The following MPPED1 variants were observed in gnomAD, a reference collection of about 807,000 sequenced individuals.
MPPED1 encodes metallophosphoesterase domain-containing protein 1.
A neutral mutation model predicts 36.2 loss-of-function variants in MPPED1; 16 were observed. The ratio of observed to expected loss-of-function variants is 0.44; its 90% confidence interval spans 0.30 to 0.67. MPPED1 has a LOEUF of 0.67. MPPED1 is among the 30% of genes least tolerant of loss of function. The pLI is 0.10. For missense variants in MPPED1, 307 were observed against 453.4 expected (o/e 0.68, Z 2.93); for synonymous variants, 199 against 191.3 (o/e 1.04, Z -0.33).
At chr22:43,451,151 C>T (rs141157695) in intron 3 of MPPED1, among the ~76,000 whole-genome samples, 2,080 of 151,938 alleles carry the variant, frequency 0.014, 65 homozygotes, top group African/African-American at 0.048. Flanking sequence ...GGACTACAGG[C>T]GTGCGCCACC....
chr22:43,502,821 A>C lies in MPPED1; in HGVS notation c.862+64A>C. 7.3e-7 allele frequency: 1 copy of C among 1,370,118 alleles called. No individual in the cohort carries two copies. The allele number at this position is 1,370,118 out of a possible 1,614,324, so 84.9% of individuals were successfully genotyped here. ...GGCTCCTAATGGACCCTCCAGCAGG[A>C]CCTCCCCTTCGTTCAGCCAGAAGGG... On this transcript the variant is annotated intron_variant, in intron 6 of 6. Transcript: ENST00000443721. This position sits in a 1 kb window ranked among gnomAD's most constrained non-coding sequence, Gnocchi z 5.5.
intron 4 of MPPED1, among the ~76,000 whole-genome samples, chr22:43,489,815 G>A (rs947855989): frequency 2.6e-5 from 4 of 152,226 alleles, no homozygotes; most frequent in South Asian, 2.1e-4. Context: ...CGCTGCACCC[G>A]GCCCCTGTCC....
intron 2 of MPPED1, among the ~76,000 whole-genome samples, chr22:43,431,218 T>A (rs1160841293): frequency 6.6e-6 from 1 of 151,846 alleles, no homozygotes; most frequent in Non-Finnish European, 1.5e-5. Flanking sequence ...ATTTTTTATA[T>A]TTTTAGTAGA....
At chr22:43,424,057 C>T (rs1316115441) in intron 1 of MPPED1, among the ~76,000 whole-genome samples, 8 of 152,090 alleles carry the variant, frequency 5.3e-5, no homozygotes, top group Admixed American at 1.3e-4. Flanking sequence ...AAGGTGGGGT[C>T]GGTTGGAGGG....
intron 1 of MPPED1, among the ~76,000 whole-genome samples, chr22:43,422,512 C>G (rs565267025): frequency 6.6e-6 from 1 of 152,198 alleles, no homozygotes; most frequent in South Asian, 2.1e-4. Flanking sequence ...ATCAGAGAAG[C>G]CACCGCAAGG....
chr22:43,479,587 G>T (rs1931686425), intron 4 of MPPED1, among the ~76,000 whole-genome samples: 1 of 152,188 alleles, frequency 6.6e-6, no homozygotes, highest in African/African-American at 2.4e-5. Flanking sequence ...GCAAGCAGGG[G>T]GTCTGCTGTG....
At position 43,499,692 on chromosome 22, in the gene MPPED1, G is replaced by GTGA. The variant is rs1224086300; in HGVS notation, c.748+1344_748+1345insATG. On this transcript the variant is annotated intron_variant, in intron 5 of 6. Transcript: ENST00000443721. Reference sequence around the variant, plus strand: ...GATGGGGGTGATGGTGGTGATGGTGGTGGTGGAGGTGATGATGGTGGTGGT... The same window carrying GTGA: ...GATGGGGGTGATGGTGGTGATGGTGGTGATGGTGGAGGTGATGATGGTGGTGGT... 1.1e-3 allele frequency among the ~76,000 whole-genome samples: 147 copies of GTGA among 132,002 alleles called. 1 individual carries two copies. The highest frequency in any genetic ancestry group is 1.9e-3 in the Non-Finnish European group (117 of 60,870). 86.6% of individuals were successfully genotyped at this position (132,002 alleles called of 152,430 possible). A position where few individuals can be genotyped will look rare whatever the true frequency, so the allele number is the denominator to read the frequency against.
intron 4 of MPPED1, among the ~76,000 whole-genome samples, chr22:43,482,593 G>A (rs533500393): frequency 6.6e-6 from 1 of 152,326 alleles, no homozygotes; most frequent in Non-Finnish European, 1.5e-5. Context: ...TCTGTGAAAT[G>A]CCAAGAGGGA....
chr22:43,479,763 C>T (rs1931692596), intron 4 of MPPED1, among the ~76,000 whole-genome samples: 1 of 152,236 alleles, frequency 6.6e-6, no homozygotes, highest in Admixed American at 6.5e-5. Context: ...CTTTACATAG[C>T]AAGCTAGAAA....
chr22:43,491,554 C>T (rs146923349), intron 4 of MPPED1, among the ~76,000 whole-genome samples: 147,829 of 148,114 alleles, frequency 1, 73,773 homozygotes, highest in Middle Eastern at 1. Context: ...GAGGTGGTGG[C>T]GGTGGTAGTG....
chr22:43,503,452 G>A (rs55707495), intron 6 of MPPED1, among the ~76,000 whole-genome samples: 72,894 of 152,008 alleles, frequency 0.48, 18,243 homozygotes, highest in Non-Finnish European at 0.52. Flanking sequence ...GACTGACGTG[G>A]TTTCCCCCAG....
At chr22:43,445,502 C>T (rs893513166) in intron 3 of MPPED1, among the ~76,000 whole-genome samples, 3 of 151,558 alleles carry the variant, frequency 2.0e-5, no homozygotes, top group African/African-American at 4.9e-5. Flanking sequence ...TGAGGACACA[C>T]GTACCCTGCC....
chr22:43,435,935 C>T (rs748505001), intron 3 of MPPED1, among the ~76,000 whole-genome samples: 1 of 152,094 alleles, frequency 6.6e-6, no homozygotes, highest in Non-Finnish European at 1.5e-5. Context: ...ATGGTGGTGC[C>T]AGGGTAGGTG....
At chr22:43,453,819 T>C (rs5759344) in intron 3 of MPPED1, among the ~76,000 whole-genome samples, 140,305 of 152,086 alleles carry the variant, frequency 0.92, 64,874 homozygotes, top group East Asian at 1. Context: ...ATCATTTTAG[T>C]CTTTTAAAAG....
chr22:43,447,859 T>TTTTATATATATATATA (rs1555899992), intron 3 of MPPED1, among the ~76,000 whole-genome samples: 7 of 62,526 alleles, frequency 1.1e-4, no homozygotes, highest in Admixed American at 8.0e-4. Flanking sequence ...TATGTAAATA[T>TTTTATATATATATATA]TATATATATA....
chr22:43,431,565 G>A (rs1476146982), intron 2 of MPPED1, among the ~76,000 whole-genome samples: 1 of 152,104 alleles, frequency 6.6e-6, no homozygotes, highest in Non-Finnish European at 1.5e-5. Flanking sequence ...TGTGAGTTCT[G>A]GACCCAAAAA....
chr22:43,468,270 A>T (rs1020897944), intron 3 of MPPED1, among the ~76,000 whole-genome samples: 15 of 152,202 alleles, frequency 9.9e-5, no homozygotes, highest in African/African-American at 3.6e-4. Flanking sequence ...GGAGAATACA[A>T]ATGTGTAGCA....
intron 4 of MPPED1, among the ~76,000 whole-genome samples, chr22:43,492,843 G>A (rs1932146817): frequency 6.6e-6 from 1 of 152,186 alleles, no homozygotes; most frequent in Non-Finnish European, 1.5e-5. Flanking sequence ...CCTGCTTTTA[G>A]TACGTTCCCC....
chr22:43,412,122 C>A lies in MPPED1; in HGVS notation c.-115C>A. On this transcript the variant is annotated 5_prime_UTR_variant, in exon 1 of 7. Transcript: ENST00000443721. ...CTCCCTCGGTGCGCGCTGCTGCTCG[C>A]AGCCGCCGCGGCCGCCGAAGAGGAG... 2.0e-6 allele frequency: 2 copies of A among 979,548 alleles called. No homozygotes were observed. Among genetic ancestry groups the A allele is most frequent in the Non-Finnish European group, 2.4e-6 (2 of 827,658 alleles). 60.7% of individuals were successfully genotyped at this position (979,548 alleles called of 1,614,324 possible). A position where few individuals can be genotyped will look rare whatever the true frequency, so the allele number is the denominator to read the frequency against.
Sources: gnomAD v4.1 joint callset for allele counts (sites outside exome capture counted in the v4.1 genomes callset) on GRCh38, gnomAD v4.1.1 for gene constraint, Gnocchi (gnomAD v3.1) non-coding constraint, MANE v1.5 for transcripts, NCBI Gene and HGNC (gene_info 2026-07-23, HGNC 2026-07-21) for gene names.